SIN3B: variants seen among roughly 807,000 people sequenced by gnomAD.
The protein encoded by SIN3B is SIN3 transcription regulator family member B, also known as paired amphipathic helix protein Sin3b.
In SIN3B, 19 loss-of-function variants were observed where a neutral mutation model predicts 120.2. That is an observed-to-expected ratio of 0.16 (90% CI 0.11 to 0.23). The LOEUF (loss-of-function observed/expected upper bound fraction) is 0.23. SIN3B is among the 10% of genes least tolerant of loss of function. The pLI, the probability that SIN3B is intolerant of heterozygous loss-of-function variation, is 1.00. For missense variants in SIN3B, 1,073 were observed against 1,573.0 expected, an observed-to-expected ratio of 0.68 and a Z score of 5.38; for synonymous variants, 654 against 653.2, an observed-to-expected ratio of 1.00 and a Z score of -0.02.
Position 16,861,287 on chromosome 19 carries a change from C to T in SIN3B, c.1059-1065C>T, listed in dbSNP as rs1599604927. Among the ~76,000 whole-genome samples, 4 of 152,166 alleles carry T rather than the reference C, an allele frequency of 2.6e-5. No individual in the cohort carries two copies. In the South Asian group the frequency reaches 6.2e-4, roughly 24 times the overall value. On this transcript the variant is annotated intron_variant, in intron 8 of 18. Coordinates refer to ENST00000248054, the MANE Select transcript of SIN3B (RefSeq NM_001297595.2). The stretch of plus-strand genomic sequence containing the variant: ...CCCCTCTTGTGCAGGCAGCCACAGG[C>T]AGTGCGTACACAAGTGGATGTGACT...
In SIN3B at chr19:16,869,678, C is replaced by T. The variant is rs140423282; in HGVS notation, c.2025C>T (p.Gly675=). 1,902 of 1,613,470 alleles carry T rather than the reference C, an allele frequency of 1.2e-3. 26 individuals are homozygous for T. In the Admixed American group the frequency reaches 0.025, roughly 21 times the overall value. Residue 675 remains glycine, a synonymous_variant, in exon 13 of 19, where the codon GGC becomes GGT. Coordinates refer to ENST00000248054, the MANE Select transcript of SIN3B (RefSeq NM_001297595.2). ...SLFFSQQLDL[G]ASEESADEDR... ...TCTTCTCTCAGCAGCTGGACCTGGG[C>T]GCCTCCGAGGAGTCAGCTGATGAGG...
intron 5 of SIN3B, 128 bp downstream of exon 5, chr19:16,847,241 C>T (rs1198860540): frequency 2.5e-5 from 26 of 1,047,380 alleles, no homozygotes; most frequent in Non-Finnish European, 3.1e-5. Flanking sequence ...CCAGAAGCTA[C>T]GCAGGTTGCA....
At position 16,866,513 on chromosome 19, in the gene SIN3B, G is replaced by A; in HGVS notation, c.1763G>A (p.Arg588His). Reference sequence around the variant, plus strand: ...AAGCAGAACGACACCAAGGCCCTGCGCTCCAAGAGCTTGCTCAACGAGATC... The same window carrying A: ...AAGCAGAACGACACCAAGGCCCTGCACTCCAAGAGCTTGCTCAACGAGATC... ...NFKQNDTKAL[R>H]SKSLLNEIES... The change falls in exon 12 of 19, where the codon CGC (arginine) becomes CAC (histidine). Residue 588 changes from arginine to histidine, a missense_variant. This residue lies in a region of SIN3B where 118 missense variants were observed against 281.6 expected (regional missense o/e 0.42). Transcript: ENST00000248054. 6.2e-7 allele frequency: 1 copy of A among 1,613,946 alleles called. No individual in the cohort carries two copies. Among genetic ancestry groups the A allele is most frequent in the East Asian group, 2.2e-5 (1 of 44,848 alleles).
intron 17 of SIN3B, 49 bp downstream of exon 17, chr19:16,877,688 G>C (rs887096087): frequency 7.5e-7 from 1 of 1,339,996 alleles, no homozygotes; most frequent in African/African-American, 1.4e-5. Flanking sequence ...CTGGGCCCAG[G>C]GAGTGTCCCC....
chr19:16,834,512 C>T (rs750254922), intron 3 of SIN3B, among the ~76,000 whole-genome samples: 3 of 152,136 alleles, frequency 2.0e-5, no homozygotes, highest in African/African-American at 4.8e-5. Context: ...ACAATGATGA[C>T]GGTGCAGACC....
Position 16,865,545 on chromosome 19 carries a change from A to T in SIN3B, c.1519A>T (p.Ile507Phe). ...CTCCCTGGGAGGCACGTCGGAGGTG[A>T]TCCAGCGCCGTGCCATTTATCGCAT... ...DDSLGGTSEV[I>F]QRRAIYRIYG... Residue 507 changes from isoleucine (I) to phenylalanine (F), a missense_variant, in exon 11 of 19, where the codon ATC becomes TTC. Coordinates refer to ENST00000248054, the MANE Select transcript of SIN3B (RefSeq NM_001297595.2). 6.2e-7 allele frequency: 1 copy of T among 1,613,596 alleles called. No individual in the cohort carries two copies. Among genetic ancestry groups the T allele is most frequent in the Non-Finnish European group, 8.5e-7 (1 of 1,179,798 alleles).
At position 16,876,405 on chromosome 19, in the gene SIN3B, G is replaced by A. The variant is rs1394573550; in HGVS notation, c.2767-81G>A. 2 of 1,476,450 alleles carry A rather than the reference G, an allele frequency of 1.4e-6. No homozygotes were observed. Among genetic ancestry groups the A allele is most frequent in the Non-Finnish European group, 1.9e-6 (2 of 1,072,462 alleles). 91.5% of individuals were successfully genotyped at this position (1,476,450 alleles called of 1,614,324 possible). A position where few individuals can be genotyped will look rare whatever the true frequency, so the allele number is the denominator to read the frequency against. On this transcript the variant is annotated intron_variant, in intron 15 of 18. Transcript: ENST00000248054. This position sits in a 1 kb window ranked among gnomAD's most constrained non-coding sequence, Gnocchi z 7.1. Reference sequence around the variant, plus strand: ...GGCTTTGGGAGGGTGGCAAAGGCGGGAGGCGGGTGGCCTTGCGAGCCTGCG... The same window carrying A: ...GGCTTTGGGAGGGTGGCAAAGGCGGAAGGCGGGTGGCCTTGCGAGCCTGCG...
chr19:16,845,969 C>T (rs1321146900), intron 4 of SIN3B, among the ~76,000 whole-genome samples: 1 of 152,122 alleles, frequency 6.6e-6, no homozygotes, highest in Non-Finnish European at 1.5e-5. Context: ...GATAGGGTCT[C>T]ACTGTATTGC....
chr19:16,835,554 C>T (rs564811857), intron 3 of SIN3B, among the ~76,000 whole-genome samples: 98 of 144,914 alleles, frequency 6.8e-4, no homozygotes, highest in African/African-American at 2.4e-3. Context: ...CACCATTTCA[C>T]TGTCACCCAG....
At chr19:16,841,019 C>A (rs991071902) in intron 3 of SIN3B, among the ~76,000 whole-genome samples, 20 of 152,166 alleles carry the variant, frequency 1.3e-4, no homozygotes, top group Non-Finnish European at 2.8e-4. Flanking sequence ...TGGCTGGAGA[C>A]CCAGCCCTTG....
chr19:16,868,478 G>A (rs1971809421), intron 12 of SIN3B, among the ~76,000 whole-genome samples: 2 of 152,234 alleles, frequency 1.3e-5, no homozygotes, highest in Non-Finnish European at 2.9e-5. Context: ...CCAGGACAGT[G>A]GTGTGGGAGG....
At chr19:16,851,777 C>CCCTA (rs765975976) in intron 6 of SIN3B, among the ~76,000 whole-genome samples, 2 of 152,162 alleles carry the variant, frequency 1.3e-5, no homozygotes, top group South Asian at 4.1e-4. Flanking sequence ...GTTAACCCTG[C>CCCTA]CCTAGGTCCC....
intron 3 of SIN3B, among the ~76,000 whole-genome samples, chr19:16,840,481 T>A (rs979411947): frequency 6.6e-6 from 1 of 152,192 alleles, no homozygotes; most frequent in Non-Finnish European, 1.5e-5. Flanking sequence ...TAACTTCTGT[T>A]GTTTCAGCCA....
At chr19:16,865,704 C>G in intron 11 of SIN3B, 56 bp downstream of exon 11, 1 of 1,049,252 alleles carries the variant, frequency 9.5e-7, no homozygotes, top group East Asian at 2.6e-5. Flanking sequence ...TCCCTCCCCT[C>G]CCCTCCCCTC....
In SIN3B at chr19:16,876,100, C is replaced by T; in HGVS notation, c.2638C>T (p.Leu880Phe). Residue 880 changes from leucine to phenylalanine, a missense_variant, in exon 15 of 19, where the codon CTC (leucine) becomes TTC (phenylalanine). Physicochemically the swap from Leu to Phe is conservative, Grantham distance 22. This residue lies in a region of SIN3B where 311 missense variants were observed against 400.3 expected (regional missense o/e 0.78). Coordinates refer to ENST00000248054, the MANE Select transcript of SIN3B (RefSeq NM_001297595.2). This position sits in a 1 kb window ranked among gnomAD's most constrained non-coding sequence, Gnocchi z 7.1. The part of the protein sequence containing the change: ...SDDVCLKVVE[L>F]YLNEKKRGAA... The stretch of plus-strand genomic sequence containing the variant: ...TGACGTCTGCCTGAAGGTGGTGGAG[C>T]TCTACCTGAACGAGAAGAAGCGGGG... The T allele has an allele frequency of 6.3e-7, 1 of 1,592,382 alleles. No individual in the cohort carries two copies. The highest frequency in any genetic ancestry group is 1.1e-5 in the South Asian group (1 of 87,662).
rs1384693380 is a variant in SIN3B at position 16,875,378 on chromosome 19, CTGGTCTGGTCTGTT to C, written c.2593-664_2593-651del. On this transcript the variant is annotated intron_variant, in intron 14 of 18. Coordinates refer to ENST00000248054, the MANE Select transcript of SIN3B (RefSeq NM_001297595.2). ...TCTGTTTGGTCTGGTCTGGTTTGGT[CTGGTCTGGTCTGTT>C]TGGTCTGGTCTGGTTTGGTCTGGTC... 3.2e-3 allele frequency among the ~76,000 whole-genome samples: 391 copies of C among 122,100 alleles called. 8 individuals carry two copies. Among genetic ancestry groups the C allele is most frequent in the African/African-American group, 0.013 (376 of 29,778 alleles). 80.1% of individuals were successfully genotyped at this position (122,100 alleles called of 152,430 possible).
chr19:16,829,664 C>A, intron 1 of SIN3B, 124 bp downstream of exon 1: 1 of 1,219,302 alleles, frequency 8.2e-7, no homozygotes, highest in Non-Finnish European at 1.1e-6. Context: ...TGCCCCGGAC[C>A]CCTCACCCCT....
rs117648169 is a variant in SIN3B, at chr19:16,868,091, A to G, written c.1807-1369A>G. The stretch of plus-strand genomic sequence containing the variant: ...AACCCCATTCCATCACGTGATTTAC[A>G]AAGCATGGTTACAGATCATGGACAT... On this transcript the variant is annotated intron_variant, in intron 12 of 18. Transcript: ENST00000248054. 3.4e-3 allele frequency among the ~76,000 whole-genome samples: 516 copies of G among 152,336 alleles called. 5 individuals are homozygous for G. The highest frequency in any genetic ancestry group is 6.0e-3 in the Non-Finnish European group (408 of 68,022).
rs1267465116 is a variant in SIN3B, at chr19:16,876,402, C to G, written c.2767-84C>G. 1.4e-6 allele frequency: 2 copies of G among 1,461,110 alleles called. No homozygotes were observed. Among genetic ancestry groups the G allele is most frequent in the East Asian group, 2.3e-5 (1 of 43,184 alleles). 90.5% of individuals were successfully genotyped at this position (1,461,110 alleles called of 1,614,324 possible). A position where few individuals can be genotyped will look rare whatever the true frequency, so the allele number is the denominator to read the frequency against. ...CAGGGCTTTGGGAGGGTGGCAAAGGCGGGAGGCGGGTGGCCTTGCGAGCCT... is the reference window on the plus strand; with the variant it reads ...CAGGGCTTTGGGAGGGTGGCAAAGGGGGGAGGCGGGTGGCCTTGCGAGCCT... On this transcript the variant is annotated intron_variant, in intron 15 of 18. Coordinates refer to ENST00000248054, the MANE Select transcript of SIN3B (RefSeq NM_001297595.2). The surrounding 1 kb of genome is among the most constrained non-coding windows in gnomAD (Gnocchi z 7.1).
Sources: gnomAD v4.1 joint callset for allele counts (sites outside exome capture counted in the v4.1 genomes callset) on GRCh38, gnomAD v4.1.1 for gene constraint, gnomAD v4.1.1 regional missense constraint, Gnocchi (gnomAD v3.1) non-coding constraint, MANE v1.5 for transcripts, NCBI Gene and HGNC (gene_info 2026-07-23, HGNC 2026-07-21) for gene names.